ASXL1: variants seen among roughly 807,000 people sequenced by gnomAD.
ASXL1 encodes polycomb group protein ASXL1.
A neutral mutation model predicts 89.1 loss-of-function variants in ASXL1; 65 were observed. The ratio of observed to expected loss-of-function variants is 0.73; its 90% CI spans 0.60 to 0.90. The LOEUF (loss-of-function observed/expected upper bound fraction) is 0.90. Ranked by LOEUF, ASXL1 falls within the 40% of genes least tolerant of loss-of-function variation. The pLI, the probability that ASXL1 is intolerant of heterozygous loss-of-function variation, is 0.00. For synonymous variants in ASXL1, 739 were observed against 746.9 expected (o/e 0.99, Z 0.17); for missense variants, 1,786 against 1,942.9 (o/e 0.92, Z 1.52).
In ASXL1 at chr20:32,429,724, G is replaced by A. The variant is rs2011461289; in HGVS notation, c.566-177G>A. 2.3e-6 allele frequency: 2 copies of A among 888,014 alleles called. No individual in the cohort carries two copies. Among genetic ancestry groups the A allele is most frequent in the Admixed American group, 2.7e-5 (1 of 37,072 alleles). The allele number at this position is 888,014 out of a possible 1,614,324, so 55.0% of individuals were successfully genotyped here. A position where few individuals can be genotyped will look rare whatever the true frequency, so the allele number is the denominator to read the frequency against. On this transcript the variant is annotated intron_variant, in intron 7 of 12. Transcript: ENST00000375687. The surrounding 1 kb of genome is among the most constrained non-coding windows in gnomAD (Gnocchi z 4.9). ...AAAGATGGCAGTTTGGCACCTGTAA[G>A]GTGATATTTTAAAGCCAGACCATGA...
rs1251767535 is a variant in ASXL1 at position 32,358,335 on chromosome 20, ACACT to A, written c.-437_-434del. On this transcript the variant is annotated 5_prime_UTR_variant, in exon 1 of 13. Transcript: ENST00000375687. ...CACTCCCCCTCCTCACTCTTCACAC[ACACT>A]CACACACACCCACGGCAGACACGCA... is the stretch of plus-strand genomic sequence containing the variant. 361 of 229,700 alleles carry A rather than the reference ACACT, an allele frequency of 1.6e-3. 1 individual carries two copies. The highest frequency in any genetic ancestry group is 2.4e-3 in the Non-Finnish European group (279 of 117,786). 14.2% of individuals were successfully genotyped at this position (229,700 alleles called of 1,614,324 possible).
chr20:32,397,238 G>T (rs1190804925), intron 4 of ASXL1, among the ~76,000 whole-genome samples: 1 of 72,960 alleles, frequency 1.4e-5, no homozygotes, highest in Non-Finnish European at 2.7e-5. Flanking sequence ...TGGGGTGAGC[G>T]ACCATGCCTG....
intron 4 of ASXL1, among the ~76,000 whole-genome samples, chr20:32,421,501 C>T (rs80188179): frequency 0.088 from 13,296 of 151,912 alleles, 781 homozygotes; most frequent in Non-Finnish European, 0.13. Flanking sequence ...TCTTATGACT[C>T]GGCATTTCTA....
chr20:32,398,565 T>A (rs2048808502), intron 4 of ASXL1, among the ~76,000 whole-genome samples: 1 of 151,796 alleles, frequency 6.6e-6, no homozygotes, highest in South Asian at 2.1e-4. Context: ...AATCATAGCG[T>A]ATGTAGCCTT....
rs534695747 is a variant in ASXL1 at position 32,365,465 on chromosome 20, G to A, written c.58-919G>A. On this transcript the variant is annotated intron_variant, in intron 1 of 12. Coordinates refer to ENST00000375687, the MANE Select transcript of ASXL1 (RefSeq NM_015338.6). ...TGGTATGGCTGTAGACAGCAGCATC[G>A]TATCAGACTTCTTTATGTTTTGCTT... Among the ~76,000 whole-genome samples, 6 of 152,238 alleles carry A rather than the reference G, an allele frequency of 3.9e-5. No individual in the cohort carries two copies. The South Asian group carries it at 6.2e-4, about 16-fold the overall frequency.
chr20:32,434,529 G>A lies in ASXL1; in HGVS notation c.1817G>A (p.Arg606Gln), dbSNP rs587778061. ...ATCCCCACCACGGAGTCCTCCTGCC[G>A]GGGTTGGACTGGCGCCAGGACCCTC... ...RIIPTTESSCRGWTGARTLAD... is the reference protein window; with the variant it reads ...RIIPTTESSCQGWTGARTLAD... Residue 606 changes from arginine to glutamine, a missense_variant, in exon 13 of 13, where the codon CGG (arginine) becomes CAG (glutamine). Physicochemically the swap from Arg to Gln is conservative, Grantham distance 43. Coordinates refer to ENST00000375687, the MANE Select transcript of ASXL1 (RefSeq NM_015338.6). 21 of 1,613,844 alleles carry A rather than the reference G, an allele frequency of 1.3e-5. No individual in the cohort carries two copies. Among genetic ancestry groups the A allele is most frequent in the South Asian group, 1.1e-4 (10 of 91,092 alleles).
At chr20:32,418,781 G>A (rs544385367) in intron 4 of ASXL1, among the ~76,000 whole-genome samples, 5 of 133,798 alleles carry the variant, frequency 3.7e-5, no homozygotes, top group East Asian at 5.0e-4. Context: ...GCATTGAATC[G>A]ACAAATCAAA....
rs1311777105 is a variant in ASXL1, at chr20:32,410,487, A to G, written c.253-17641A>G. On this transcript the variant is annotated intron_variant, in intron 4 of 12. Transcript: ENST00000375687. ...TAGGCACAGTAAAAGAATAACAACA[A>G]TAACTAAGAATAAAATATAACAATT... 2.0e-5 allele frequency among the ~76,000 whole-genome samples: 3 copies of G among 152,172 alleles called. No individual in the cohort carries two copies. The East Asian group carries it at 5.8e-4, about 29-fold the overall frequency.
At chr20:32,411,056 T>A (rs9679957) in intron 4 of ASXL1, among the ~76,000 whole-genome samples, 2,779 of 13,932 alleles carry the variant, frequency 0.2, 549 homozygotes, top group South Asian at 0.29. Context: ...ATAAAAAAAA[T>A]AAAAAAAAAT....
At chr20:32,369,163 G>A in intron 4 of ASXL1, 40 bp downstream of exon 4, 9 of 1,543,946 alleles carry the variant, frequency 5.8e-6, no homozygotes, top group Non-Finnish European at 7.2e-6. Flanking sequence ...GTGATTCTTG[G>A]ACTTTTAATG....
chr20:32,393,761 C>T (rs964718228), intron 4 of ASXL1, among the ~76,000 whole-genome samples: 2 of 151,728 alleles, frequency 1.3e-5, no homozygotes, highest in East Asian at 1.9e-4. Context: ...TGAGCCACTG[C>T]GGCTGGATGT....
chr20:32,408,858 G>C (rs557923690), intron 4 of ASXL1, among the ~76,000 whole-genome samples: 5 of 151,568 alleles, frequency 3.3e-5, no homozygotes, highest in African/African-American at 7.3e-5. Flanking sequence ...CCATGAACAT[G>C]GTATAATCTC....
chr20:32,391,845 A>G (rs1302236465), intron 4 of ASXL1, among the ~76,000 whole-genome samples: 1 of 151,878 alleles, frequency 6.6e-6, no homozygotes, highest in Non-Finnish European at 1.5e-5. Flanking sequence ...TTTTTCTGAA[A>G]TTTACTTTGA....
rs2048050849 is a variant in ASXL1, at chr20:32,358,572, G to GCCGCCGCCCCTCCCCCA, written c.-196_-180dup. ...TGACGCAGCGCGGGCGCGTGGAGCCGCCGCCGCCCCTCCCCCACCGCCGCT... is the reference window on the plus strand; with the variant it reads ...TGACGCAGCGCGGGCGCGTGGAGCCGCCGCCGCCCCTCCCCCACCGCCGCCCCTCCCCCACCGCCGCT... On this transcript the variant is annotated 5_prime_UTR_variant, in exon 1 of 13. Coordinates refer to ENST00000375687, the MANE Select transcript of ASXL1 (RefSeq NM_015338.6). The GCCGCCGCCCCTCCCCCA allele has an allele frequency of 5.0e-6, 1 of 201,852 alleles. No individual in the cohort carries two copies. The highest frequency in any genetic ancestry group is 2.3e-5 in the African/African-American group (1 of 43,204). 12.5% of individuals were successfully genotyped at this position (201,852 alleles called of 1,614,324 possible). A position where few individuals can be genotyped will look rare whatever the true frequency, so the allele number is the denominator to read the frequency against.
intron 1 of ASXL1, chr20:32,360,115 G>A: frequency 3.2e-6 from 1 of 308,786 alleles, no homozygotes; most frequent in Non-Finnish European, 6.1e-6. Context: ...CAAACCTGAA[G>A]TACACCTTTT....
intron 4 of ASXL1, among the ~76,000 whole-genome samples, chr20:32,412,384 T>G (rs1450440566): frequency 2.0e-5 from 3 of 152,190 alleles, no homozygotes; most frequent in Non-Finnish European, 4.4e-5. Context: ...TATTTGTTTA[T>G]AGTTCATTTA....
intron 4 of ASXL1, among the ~76,000 whole-genome samples, chr20:32,399,038 C>A (rs1248951771): frequency 6.6e-6 from 1 of 151,788 alleles, no homozygotes; most frequent in Non-Finnish European, 1.5e-5. Context: ...AGTGAAACCC[C>A]ATCTTTACTA....
In ASXL1 at chr20:32,432,882, G is replaced by C. The variant is rs1330515767; in HGVS notation, c.982G>C (p.Glu328Gln). The change falls in exon 11 of 13, where the codon GAA (glutamate) becomes CAA (glutamine). Residue 328 changes from glutamate to glutamine, a missense_variant and splice_region_variant. By Grantham distance (29) the Glu-to-Gln change is conservative (BLOSUM62 2). Transcript: ENST00000375687. Reference protein sequence around the residue: ...QSWRERLADGEFTHEMQVRIR... With the variant: ...QSWRERLADGQFTHEMQVRIR... ...AGAAGAGGTTTATTTCTCCCTAGGT[G>C]AATTTACTCATGAGATGCAAGTCAG... 6.2e-7 allele frequency: 1 copy of C among 1,613,800 alleles called. No individual in the cohort carries two copies. Among genetic ancestry groups the C allele is most frequent in the South Asian group, 1.1e-5 (1 of 91,036 alleles).
intron 1 of ASXL1, 50 bp downstream of exon 1, chr20:32,358,882 C>A: frequency 1.4e-6 from 2 of 1,439,620 alleles, no homozygotes; most frequent in Non-Finnish European, 1.8e-6. Flanking sequence ...GTGGGGGGGG[C>A]TCGCCGCGCA....
Sources: gnomAD v4.1 joint callset for allele counts (sites outside exome capture counted in the v4.1 genomes callset) on GRCh38, gnomAD v4.1.1 for gene constraint, Gnocchi (gnomAD v3.1) non-coding constraint, MANE v1.5 for transcripts, NCBI Gene and HGNC (gene_info 2026-07-23, HGNC 2026-07-21) for gene names.